The following DCC variants were observed in gnomAD, a reference collection of about 807,000 sequenced individuals.
DCC encodes netrin receptor DCC.
A neutral mutation model predicts 172.5 loss-of-function variants in DCC; 58 were observed. The ratio of observed to expected loss-of-function variants is 0.34; its 90% CI spans 0.27 to 0.42. DCC has a LOEUF of 0.42. Among genes scored for constraint, DCC ranks in the 10% least tolerant of loss-of-function variants. The pLI, the probability that DCC is intolerant of heterozygous loss-of-function variation, is 1.00. For missense variants in DCC, 1,740 were observed against 1,791.0 expected (o/e 0.97, Z 0.51); for synonymous variants, 709 against 644.5 (o/e 1.10, Z -1.52).
At chr18:52,991,796 G>A (rs1252086969) in intron 5 of DCC, among the ~76,000 whole-genome samples, 2 of 152,174 alleles carry the variant, frequency 1.3e-5, no homozygotes, top group Non-Finnish European at 2.9e-5. Context: ...TCCTGGATGA[G>A]TGGTCATTTG....
intron 2 of DCC, among the ~76,000 whole-genome samples, chr18:52,773,117 A>G (rs1479627913): frequency 6.6e-6 from 1 of 152,194 alleles, no homozygotes; most frequent in African/African-American, 2.4e-5. Context: ...AGCAACTGCA[A>G]ATAACTTTGC....
intron 7 of DCC, among the ~76,000 whole-genome samples, chr18:53,118,738 C>T (rs1281504870): frequency 6.6e-6 from 1 of 151,660 alleles, no homozygotes; most frequent in East Asian, 1.9e-4. Flanking sequence ...AAATATAGGT[C>T]ATTATCCCTG....
At chr18:52,879,760 C>T (rs1033903818) in intron 2 of DCC, among the ~76,000 whole-genome samples, 4 of 152,006 alleles carry the variant, frequency 2.6e-5, no homozygotes, top group African/African-American at 7.2e-5. Context: ...GGACTACTGT[C>T]GCAGCTCAAG....
intron 5 of DCC, among the ~76,000 whole-genome samples, chr18:53,022,142 C>A (rs916608054): frequency 2.6e-5 from 4 of 152,008 alleles, no homozygotes; most frequent in Non-Finnish European, 4.4e-5. Context: ...TTGAAAATAT[C>A]TTTTCAGGAA....
chr18:53,327,453 T>C (rs911742585), intron 14 of DCC, among the ~76,000 whole-genome samples: 4 of 152,180 alleles, frequency 2.6e-5, no homozygotes, highest in Admixed American at 2.0e-4. Flanking sequence ...CTGTTTATGA[T>C]ACTTTTGTTT....
At chr18:53,259,955 A>G (rs1474547867) in intron 12 of DCC, among the ~76,000 whole-genome samples, 1 of 151,890 alleles carries the variant, frequency 6.6e-6, no homozygotes, top group Non-Finnish European at 1.5e-5. Flanking sequence ...CATTCATTTG[A>G]TCTTCCATCA....
chr18:52,780,362 C>T (rs2037515209), intron 2 of DCC, among the ~76,000 whole-genome samples: 2 of 151,922 alleles, frequency 1.3e-5, no homozygotes, highest in South Asian at 4.2e-4. Context: ...TTATTAATTC[C>T]AGTTTTTAGA....
chr18:52,481,006 GA>G (rs917450152), intron 1 of DCC, among the ~76,000 whole-genome samples: 1 of 151,846 alleles, frequency 6.6e-6, no homozygotes, highest in Non-Finnish European at 1.5e-5. Flanking sequence ...GAGATTAAAT[GA>G]AAAAAACTAT....
At chr18:52,835,102 C>T (rs185379187) in intron 2 of DCC, among the ~76,000 whole-genome samples, 229 of 152,180 alleles carry the variant, frequency 1.5e-3, no homozygotes, top group African/African-American at 4.8e-3. Context: ...CTGATATACA[C>T]GATTGAATTT....
chr18:52,400,590 C>T (rs750758860), intron 1 of DCC, among the ~76,000 whole-genome samples: 2 of 151,996 alleles, frequency 1.3e-5, no homozygotes, highest in Admixed American at 6.6e-5. Flanking sequence ...AATCTCATTA[C>T]TGGGTATAAA....
chr18:52,821,767 C>T (rs562193190), intron 2 of DCC, among the ~76,000 whole-genome samples: 13 of 152,330 alleles, frequency 8.5e-5, no homozygotes, highest in Admixed American at 3.3e-4. Flanking sequence ...ATCACTAAAA[C>T]GTAAGAGCAA....
intron 1 of DCC, among the ~76,000 whole-genome samples, chr18:52,390,616 C>G (rs1271907898): frequency 6.6e-6 from 1 of 152,002 alleles, no homozygotes; most frequent in Non-Finnish European, 1.5e-5. Context: ...TGAAGAAACC[C>G]AGGTTGGCAT....
chr18:52,343,104 A>G (rs903374548), intron 1 of DCC, among the ~76,000 whole-genome samples: 1 of 152,228 alleles, frequency 6.6e-6, no homozygotes, highest in African/African-American at 2.4e-5. Context: ...GTGAGTCGTG[A>G]TGCAGTTTGC....
intron 2 of DCC, among the ~76,000 whole-genome samples, chr18:52,899,158 T>C (rs1170759838): frequency 6.6e-6 from 1 of 152,016 alleles, no homozygotes; most frequent in African/African-American, 2.4e-5. Flanking sequence ...TATTATTTAT[T>C]TATTTTTTAA....
intron 2 of DCC, among the ~76,000 whole-genome samples, chr18:52,826,871 A>T (rs963736683): frequency 6.6e-6 from 1 of 152,182 alleles, no homozygotes. Flanking sequence ...ATATTCAGAA[A>T]TATATTGTAT....
Position 53,167,322 on chromosome 18 carries a change from G to A in DCC, c.1418+9810G>A, listed in dbSNP as rs2054936730. On this transcript the variant is annotated intron_variant, in intron 8 of 28. Coordinates refer to ENST00000442544, the MANE Select transcript of DCC (RefSeq NM_005215.4). ...CTACTTCTGAAATGTAAAAATAGAA[G>A]TGCTGAATTCAGCTAACACAAACAC... 4.6e-5 allele frequency among the ~76,000 whole-genome samples: 7 copies of A among 152,260 alleles called. No individual in the cohort carries two copies. In the South Asian group the frequency reaches 1.4e-3, roughly 32 times the overall value.
chr18:53,204,549 G>GA (rs71175567), intron 9 of DCC, among the ~76,000 whole-genome samples: 3,511 of 140,210 alleles, frequency 0.025, 90 homozygotes, highest in African/African-American at 0.071. Context: ...TCTGTTTCTG[G>GA]AAAAAAAAAA....
chr18:52,845,643 C>A (rs904064050), intron 2 of DCC, among the ~76,000 whole-genome samples: 2 of 152,160 alleles, frequency 1.3e-5, no homozygotes, highest in African/African-American at 4.8e-5. Flanking sequence ...AAAGATTGCT[C>A]CTCCATCATA....
At chr18:52,851,447 A>C (rs140528334) in intron 2 of DCC, among the ~76,000 whole-genome samples, 1 of 152,180 alleles carries the variant, frequency 6.6e-6, no homozygotes, top group African/African-American at 2.4e-5. Context: ...ACTGCAATAA[A>C]CCACAGTCTC....
Sources: gnomAD v4.1 joint callset for allele counts (sites outside exome capture counted in the v4.1 genomes callset) on GRCh38, gnomAD v4.1.1 for gene constraint, MANE v1.5 for transcripts, NCBI Gene and HGNC (gene_info 2026-07-23, HGNC 2026-07-21) for gene names.